DOK6: variants seen among roughly 807,000 people sequenced by gnomAD.
DOK6 encodes the protein downstream of tyrosine kinase 6.
In DOK6, 22 loss-of-function variants were observed where a neutral mutation model predicts 44.0. That is an observed-to-expected ratio of 0.50 (90% confidence interval 0.36 to 0.71). The LOEUF (loss-of-function observed/expected upper bound fraction) is 0.71, where lower values mean the gene tolerates loss of function less well. Ranked by LOEUF, DOK6 falls within the 30% of genes least tolerant of loss-of-function variation. The pLI, the probability that DOK6 is intolerant of heterozygous loss-of-function variation, is 0.00. For synonymous variants in DOK6, 166 were observed against 145.5 expected (o/e 1.14, Z -1.01); for missense variants, 340 against 416.4 (o/e 0.82, Z 1.60).
intron 1 of DOK6, among the ~76,000 whole-genome samples, chr18:69,522,549 A>C (rs1191859311): frequency 6.6e-6 from 1 of 152,056 alleles, no homozygotes; most frequent in Non-Finnish European, 1.5e-5. Flanking sequence ...TTTTAGGCTC[A>C]GTATACATGT....
intron 3 of DOK6, among the ~76,000 whole-genome samples, chr18:69,640,910 T>A (rs756315645): frequency 3.9e-5 from 6 of 152,058 alleles, no homozygotes; most frequent in Non-Finnish European, 5.9e-5. Flanking sequence ...ACGTGCTTTC[T>A]GATTACTGTC....
Position 69,603,828 on chromosome 18 carries a change from G to A in DOK6, c.289+4330G>A, listed in dbSNP as rs187587198. Among the ~76,000 whole-genome samples, 12 of 146,434 alleles carry A rather than the reference G, an allele frequency of 8.2e-5. No individual in the cohort carries two copies. The East Asian group carries it at 1.8e-3, about 22-fold the overall frequency. ...CTGTGGAAAACTTTACTCAGTTCTT[G>A]TTGAGCCAAAAAGTTGACATTAAAA... is the stretch of plus-strand genomic sequence containing the variant. On this transcript the variant is annotated intron_variant, in intron 3 of 7. Coordinates refer to ENST00000382713, the MANE Select transcript of DOK6 (RefSeq NM_152721.6).
chr18:69,609,676 T>A (rs937111445), intron 3 of DOK6, among the ~76,000 whole-genome samples: 6 of 152,228 alleles, frequency 3.9e-5, no homozygotes, highest in African/African-American at 1.4e-4. Flanking sequence ...TTTCTGAGTA[T>A]TTATCCAAAA....
intron 5 of DOK6, among the ~76,000 whole-genome samples, chr18:69,732,447 G>C (rs1489338475): frequency 6.6e-6 from 1 of 151,968 alleles, no homozygotes; most frequent in African/African-American, 2.4e-5. Context: ...TTACATGGTG[G>C]GTTTTTTTGA....
chr18:69,555,324 A>G (rs1012056221), intron 1 of DOK6, among the ~76,000 whole-genome samples: 1 of 152,186 alleles, frequency 6.6e-6, no homozygotes, highest in African/African-American at 2.4e-5. Flanking sequence ...AACATGCTTT[A>G]AAGAGCAAAA....
intron 2 of DOK6, among the ~76,000 whole-genome samples, chr18:69,578,964 CTTTA>C (rs1433819880): frequency 2.6e-5 from 4 of 152,064 alleles, no homozygotes; most frequent in Admixed American, 2.6e-4. Context: ...TTTTTAAGCT[CTTTA>C]TTTACTTTAG....
chr18:69,520,594 C>T (rs1981657903), intron 1 of DOK6, among the ~76,000 whole-genome samples: 1 of 151,896 alleles, frequency 6.6e-6, no homozygotes, highest in Non-Finnish European at 1.5e-5. Flanking sequence ...GTAATTAACA[C>T]AAACGTTGTT....
At chr18:69,624,250 A>G (rs1170024650) in intron 3 of DOK6, among the ~76,000 whole-genome samples, 2 of 152,142 alleles carry the variant, frequency 1.3e-5, no homozygotes, top group African/African-American at 4.8e-5. Context: ...GTCATTATCA[A>G]TCAACCTTAT....
At chr18:69,509,656 A>AC (rs1247879499) in intron 1 of DOK6, among the ~76,000 whole-genome samples, 3 of 149,428 alleles carry the variant, frequency 2.0e-5, no homozygotes, top group Non-Finnish European at 4.5e-5. Flanking sequence ...AAAAAAAAAA[A>AC]AAAAAAACAC....
At chr18:69,703,777 C>G (rs112913742) in intron 5 of DOK6, among the ~76,000 whole-genome samples, 2,487 of 152,262 alleles carry the variant, frequency 0.016, 63 homozygotes, top group African/African-American at 0.056. Flanking sequence ...AATTGTTTCT[C>G]CCCAAAATTC....
chr18:69,715,900 A>G (rs2144719342), intron 5 of DOK6, among the ~76,000 whole-genome samples: 1 of 152,346 alleles, frequency 6.6e-6, no homozygotes. Context: ...GTTGGTTTGC[A>G]TTTGAGGTTG....
At chr18:69,509,371 T>C (rs9807710) in intron 1 of DOK6, among the ~76,000 whole-genome samples, 141,574 of 152,062 alleles carry the variant, frequency 0.93, 66,250 homozygotes, top group Non-Finnish European at 0.97. Flanking sequence ...GGCGCGGTGG[T>C]TCACGCCTGT....
At chr18:69,740,714 A>G (rs1438553989) in intron 6 of DOK6, among the ~76,000 whole-genome samples, 1 of 152,164 alleles carries the variant, frequency 6.6e-6, no homozygotes, top group Non-Finnish European at 1.5e-5. Context: ...TAATAGTTCT[A>G]CTCATTTGGT....
At chr18:69,793,630 A>C (rs1980661392) in intron 7 of DOK6, among the ~76,000 whole-genome samples, 1 of 152,160 alleles carries the variant, frequency 6.6e-6, no homozygotes. Flanking sequence ...TTCAATGTAA[A>C]AATTTTCTTA....
At chr18:69,696,511 T>C (rs555925276) in intron 4 of DOK6, among the ~76,000 whole-genome samples, 3 of 152,288 alleles carry the variant, frequency 2.0e-5, no homozygotes, top group Admixed American at 2.0e-4. Context: ...GACTCTGAAA[T>C]TGATGGAAAG....
intron 7 of DOK6, among the ~76,000 whole-genome samples, chr18:69,818,980 AAATACGGTG>A (rs1269960587): frequency 6.6e-6 from 1 of 152,202 alleles, no homozygotes; most frequent in Admixed American, 6.5e-5. Context: ...AAATTTTTTA[AAATACGGTG>A]AAAATCAAAG....
chr18:69,700,264 G>A lies in DOK6; in HGVS notation c.599+1671G>A, dbSNP rs371868067. Among the ~76,000 whole-genome samples, 284 of 135,580 alleles carry A rather than the reference G, an allele frequency of 2.1e-3. 3 individuals carry two copies. The highest frequency in any genetic ancestry group is 7.0e-3 in the African/African-American group (256 of 36,366). 88.9% of individuals were successfully genotyped at this position (135,580 alleles called of 152,430 possible). On this transcript the variant is annotated intron_variant, in intron 5 of 7. Transcript: ENST00000382713. ...TGAATGTTGTTGTTAAGGTTTTGTC[G>A]GGGTTGGGGTTTTGTTTTCGTTTTT...
At chr18:69,707,452 C>G (rs911299812) in intron 5 of DOK6, among the ~76,000 whole-genome samples, 9 of 152,246 alleles carry the variant, frequency 5.9e-5, no homozygotes, top group Non-Finnish European at 8.8e-5. Context: ...ATTCTCCCAG[C>G]TTGCTTACTA....
At chr18:69,618,332 G>T (rs140102523) in intron 3 of DOK6, among the ~76,000 whole-genome samples, 4 of 152,252 alleles carry the variant, frequency 2.6e-5, no homozygotes, top group African/African-American at 9.6e-5. Context: ...ACAGGTAGGT[G>T]CATGGAAAAA....
Sources: allele counts gnomAD v4.1 joint callset (sites outside exome capture counted in the v4.1 genomes callset), GRCh38; gene constraint gnomAD v4.1.1; transcripts MANE v1.5; gene names NCBI Gene and HGNC (gene_info 2026-07-23, HGNC 2026-07-21).